VEPH1: variants seen among roughly 807,000 people sequenced by gnomAD.
VEPH1 encodes the protein ventricular zone expressed PH domain containing 1.
A neutral mutation model predicts 85.2 loss-of-function variants in VEPH1; 80 were observed. The observed-to-expected ratio is 0.94, with a 90% CI of 0.78 to 1.13. The LOEUF (loss-of-function observed/expected upper bound fraction) is 1.13, where lower values mean the gene tolerates loss of function less well. Among genes scored for constraint, VEPH1 ranks in the 50% most tolerant of loss-of-function variants. The pLI is 0.00. For synonymous variants in VEPH1, 297 were observed against 348.0 expected (o/e 0.85, Z 1.63); for missense variants, 955 against 980.5 (o/e 0.97, Z 0.35).
intron 11 of VEPH1, among the ~76,000 whole-genome samples, chr3:157,309,914 G>A (rs1719915289): frequency 6.6e-6 from 1 of 152,034 alleles, no homozygotes; most frequent in Non-Finnish European, 1.5e-5. Context: ...CGAGTAGTTG[G>A]GATTACAGGA....
chr3:157,298,758 A>T (rs919608965), intron 11 of VEPH1, among the ~76,000 whole-genome samples: 1 of 152,228 alleles, frequency 6.6e-6, no homozygotes, highest in African/African-American at 2.4e-5. Context: ...TACATGGAAC[A>T]TAATTAGATT....
rs1712828975 is a variant in VEPH1 at position 157,261,194 on chromosome 3, G to A, written c.2442C>T (p.Ile814=). 1.2e-6 allele frequency: 2 copies of A among 1,613,806 alleles called. No individual in the cohort carries two copies. The highest frequency in any genetic ancestry group is 4.5e-5 in the East Asian group (2 of 44,876). The change falls in exon 14 of 14, where the codon ATC becomes ATT. Residue 814 remains isoleucine (I), a synonymous_variant. Transcript: ENST00000362010. The part of the protein sequence containing the change: ...EKNAEEWLQC[I]NVAVAQAKER... ...CTTTGGCTTGGGCAACTGCCACGTT[G>A]ATGCACTGGAGCCATTCTTCTGCAT... is the stretch of plus-strand genomic sequence containing the variant.
intron 6 of VEPH1, among the ~76,000 whole-genome samples, chr3:157,405,568 T>G (rs1869857): frequency 0.59 from 89,219 of 151,878 alleles, 26,277 homozygotes; most frequent in Admixed American, 0.65. Flanking sequence ...ATTCATCCTA[T>G]GCTCCAAGCA....
At chr3:157,308,292 T>G (rs910849463) in intron 11 of VEPH1, among the ~76,000 whole-genome samples, 1 of 151,974 alleles carries the variant, frequency 6.6e-6, no homozygotes, top group Non-Finnish European at 1.5e-5. Flanking sequence ...CTTGTTTAAT[T>G]TCTAATTATA....
chr3:157,317,883 C>T (rs1049682747), intron 9 of VEPH1, among the ~76,000 whole-genome samples: 7 of 152,254 alleles, frequency 4.6e-5, no homozygotes, highest in East Asian at 1.9e-4. Context: ...GTGTTAAGTA[C>T]TGGATAATAA....
At chr3:157,385,789 T>C (rs1055736732) in intron 6 of VEPH1, among the ~76,000 whole-genome samples, 6 of 152,216 alleles carry the variant, frequency 3.9e-5, no homozygotes, top group African/African-American at 1.2e-4. Context: ...AGTTGTGATA[T>C]GTGACTTTAA....
rs558817084 is a variant in VEPH1 at position 157,363,604 on chromosome 3, C to T, written c.1495G>A (p.Glu499Lys). 6.2e-7 allele frequency: 1 copy of T among 1,614,140 alleles called. No individual in the cohort carries two copies. Among genetic ancestry groups the T allele is most frequent in the Non-Finnish European group, 8.5e-7 (1 of 1,180,022 alleles). The change falls in exon 9 of 14, where the codon GAG becomes AAG. Residue 499 changes from glutamate to lysine, a missense_variant. By Grantham distance (56) the Glu-to-Lys change is moderately conservative (BLOSUM62 1). Transcript: ENST00000362010. ...NDKLPFKTDT[E>K]RSQLGESSVS... ...GAAGACTCCCCCAGCTGTGATCTCT[C>T]AGTGTCTGTCTTAAACGGCAGCTTG...
chr3:157,315,533 C>G (rs1720653885), intron 10 of VEPH1, among the ~76,000 whole-genome samples: 2 of 151,916 alleles, frequency 1.3e-5, no homozygotes, highest in Non-Finnish European at 2.9e-5. Context: ...AAGAATTTGG[C>G]CCAATGCACA....
intron 4 of VEPH1, among the ~76,000 whole-genome samples, chr3:157,431,822 A>G (rs1298821824): frequency 6.7e-6 from 1 of 149,628 alleles, no homozygotes; most frequent in African/African-American, 2.4e-5. Context: ...GTTATATATT[A>G]TATATAACAA....
chr3:157,295,131 C>T (rs1717964237), intron 11 of VEPH1, among the ~76,000 whole-genome samples: 1 of 152,200 alleles, frequency 6.6e-6, no homozygotes, highest in African/African-American at 2.4e-5. Context: ...TGTAAGATGA[C>T]ATCTGGTTCT....
chr3:157,335,899 C>T (rs529153665), intron 9 of VEPH1, among the ~76,000 whole-genome samples: 2 of 152,280 alleles, frequency 1.3e-5, no homozygotes, highest in East Asian at 1.9e-4. Flanking sequence ...TCATGCAGGG[C>T]GGTGGAGTGA....
chr3:157,309,025 A>G (rs58139327), intron 11 of VEPH1, among the ~76,000 whole-genome samples: 4,008 of 152,054 alleles, frequency 0.026, 181 homozygotes, highest in African/African-American at 0.091. Context: ...GTAATGTTGA[A>G]TTTATCTTCT....
chr3:157,478,602 C>T (rs904765707), intron 2 of VEPH1, among the ~76,000 whole-genome samples: 3 of 152,106 alleles, frequency 2.0e-5, no homozygotes, highest in Non-Finnish European at 4.4e-5. Flanking sequence ...AGTCTCCATG[C>T]TAAGAAAGTA....
intron 2 of VEPH1, among the ~76,000 whole-genome samples, chr3:157,483,123 T>TACACACACACACACAC (rs60205276): frequency 1.1e-4 from 16 of 147,044 alleles, no homozygotes; most frequent in Admixed American, 1.4e-4. Flanking sequence ...TTTAAAAGCA[T>TACACACACACACACAC]ACACACACAC....
chr3:157,367,960 A>G (rs536246933), intron 7 of VEPH1, among the ~76,000 whole-genome samples: 2 of 152,394 alleles, frequency 1.3e-5, no homozygotes, highest in East Asian at 3.9e-4. Context: ...CATAGATTAT[A>G]GAAAATGTCC....
intron 4 of VEPH1, among the ~76,000 whole-genome samples, chr3:157,452,162 A>G (rs1735018865): frequency 6.6e-6 from 1 of 152,160 alleles, no homozygotes; most frequent in African/African-American, 2.4e-5. Context: ...TAGTCCTCAT[A>G]AGCAAGCAAA....
intron 4 of VEPH1, chr3:157,437,176 G>A (rs1296721328): frequency 1.2e-5 from 17 of 1,400,072 alleles, no homozygotes; most frequent in African/African-American, 2.9e-5. Flanking sequence ...TTTATAGCTT[G>A]TTATGCAAAA....
At chr3:157,468,510 G>T (rs1368099023) in intron 3 of VEPH1, among the ~76,000 whole-genome samples, 1 of 152,116 alleles carries the variant, frequency 6.6e-6, no homozygotes, top group Non-Finnish European at 1.5e-5. Context: ...GGGAGGCGGA[G>T]GTTGCAGTGA....
chr3:157,411,693 G>A (rs539318654), intron 6 of VEPH1, among the ~76,000 whole-genome samples: 1 of 152,266 alleles, frequency 6.6e-6, no homozygotes, highest in South Asian at 2.1e-4. Flanking sequence ...TCTGCTATGG[G>A]TCCCAGGAAG....
Sources: allele counts gnomAD v4.1 joint callset (sites outside exome capture counted in the v4.1 genomes callset), GRCh38; gene constraint gnomAD v4.1.1; transcripts MANE v1.5; gene names NCBI Gene and HGNC (gene_info 2026-07-23, HGNC 2026-07-21).